SMTNL2: variants seen among roughly 807,000 people sequenced by gnomAD.
SMTNL2 encodes the protein smoothelin like 2.
In SMTNL2, 43 loss-of-function variants were observed where a neutral mutation model predicts 44.1. That is an observed-to-expected ratio of 0.98 (90% confidence interval 0.76 to 1.26). The LOEUF is 1.26. SMTNL2 is among the 50% of genes most tolerant of loss of function. SMTNL2 has a pLI of 0.00. For missense variants in SMTNL2, 646 were observed against 670.2 expected, an observed-to-expected ratio of 0.96 and a Z score of 0.40; for synonymous variants, 317 against 287.6, an observed-to-expected ratio of 1.10 and a Z score of -1.03.
chr17:4,594,215 G>A (rs1909706504), intron 4 of SMTNL2, among the ~76,000 whole-genome samples: 1 of 152,168 alleles, frequency 6.6e-6, no homozygotes, highest in African/African-American at 2.4e-5. Flanking sequence ...TTGGGAGGTT[G>A]AGGTGGGTGG....
chr17:4,590,878 CCAGGGCCAGCAGCTTGGGCGG>C (rs1454829343), intron 1 of SMTNL2, among the ~76,000 whole-genome samples: 4 of 152,190 alleles, frequency 2.6e-5, no homozygotes, highest in African/African-American at 9.7e-5. Flanking sequence ...CGTCAAGTAC[CCAGGGCCAGCAGCTTGGGCGG>C]CAGGGCAGGC....
intron 7 of SMTNL2, among the ~76,000 whole-genome samples, chr17:4,606,928 A>C (rs1019413832): frequency 6.6e-5 from 10 of 151,894 alleles, no homozygotes; most frequent in African/African-American, 2.4e-4. Context: ...AAACAAAAAA[A>C]CAAACAACTA....
rs946991638 is a variant in SMTNL2, at chr17:4,595,597, G to C, written c.989+270G>C. 6.6e-6 allele frequency among the ~76,000 whole-genome samples: 1 copy of C among 152,202 alleles called. No individual in the cohort carries two copies. The highest frequency in any genetic ancestry group is 1.9e-4 in the East Asian group (1 of 5,196). On this transcript the variant is annotated intron_variant, in intron 5 of 7. Transcript: ENST00000389313. This position sits in a 1 kb window ranked among gnomAD's most constrained non-coding sequence, Gnocchi z 5.1. ...AGCCCCTCTCTCCTCCTCCATTCCCGAGGCCCCCTGTCCTGTCTCTGGTGC... is the reference window on the plus strand; with the variant it reads ...AGCCCCTCTCTCCTCCTCCATTCCCCAGGCCCCCTGTCCTGTCTCTGGTGC...
At chr17:4,590,390 G>A (rs1909523751) in intron 1 of SMTNL2, among the ~76,000 whole-genome samples, 1 of 152,132 alleles carries the variant, frequency 6.6e-6, no homozygotes. Context: ...TTCCTGAAAT[G>A]TGGGGGCCTC....
At chr17:4,604,330 C>T (rs1450362265) in intron 7 of SMTNL2, among the ~76,000 whole-genome samples, 1 of 152,200 alleles carries the variant, frequency 6.6e-6, no homozygotes, top group Non-Finnish European at 1.5e-5. Flanking sequence ...ACAGGCCACC[C>T]GCTACAACTC....
At chr17:4,584,512 G>A, upstream of SMTNL2, 2 of 1,198,740 alleles carry the variant, frequency 1.7e-6, no homozygotes, top group Non-Finnish European at 2.1e-6. Context: ...CTCGAGCGAA[G>A]CCAGCCACGG....
In SMTNL2 at chr17:4,607,591, G is replaced by A. The variant is rs1044359295; in HGVS notation, c.*104G>A. Reference sequence around the variant, plus strand: ...CCCCAGGAGCCTTGCCGTTTGGTGTGAGCGCGCTGTTTGTTCTGTGGCATG... The same window carrying A: ...CCCCAGGAGCCTTGCCGTTTGGTGTAAGCGCGCTGTTTGTTCTGTGGCATG... On this transcript the variant is annotated 3_prime_UTR_variant, in exon 8 of 8. Coordinates refer to ENST00000389313, the MANE Select transcript of SMTNL2 (RefSeq NM_001114974.2). This position sits in a 1 kb window ranked among gnomAD's most constrained non-coding sequence, Gnocchi z 4.7. 2.0e-6 allele frequency: 3 copies of A among 1,525,704 alleles called. No homozygotes were observed. The highest frequency in any genetic ancestry group is 2.6e-6 in the Non-Finnish European group (3 of 1,132,790). 94.5% of individuals were successfully genotyped at this position (1,525,704 alleles called of 1,614,324 possible).
Position 4,596,072 on chromosome 17 carries a change from C to G in SMTNL2, c.989+745C>G, listed in dbSNP as rs1175332553. On this transcript the variant is annotated intron_variant, in intron 5 of 7. Transcript: ENST00000389313. ...TGCTGTGTGCAGGGTGTGGCCCACG[C>G]GTGGTATTGATGCCTGCTGTGTGCA... 8.5e-4 allele frequency among the ~76,000 whole-genome samples: 94 copies of G among 110,142 alleles called. 2 individuals are homozygous for G. The highest frequency in any genetic ancestry group is 1.5e-3 in the Non-Finnish European group (71 of 47,102). 72.3% of individuals were successfully genotyped at this position (110,142 alleles called of 152,430 possible).
intron 1 of SMTNL2, among the ~76,000 whole-genome samples, chr17:4,586,384 G>A (rs982331618): frequency 6.6e-6 from 1 of 152,144 alleles, no homozygotes; most frequent in Non-Finnish European, 1.5e-5. Flanking sequence ...CATCAACTGT[G>A]TCATCGGTTG....
intron 7 of SMTNL2, among the ~76,000 whole-genome samples, chr17:4,599,008 G>A (rs1909925893): frequency 6.6e-6 from 1 of 152,126 alleles, no homozygotes; most frequent in Non-Finnish European, 1.5e-5. Flanking sequence ...AGAGCCAGAG[G>A]GTCTTGTAAC....
rs543159952 is a variant in SMTNL2 at position 4,592,629 on chromosome 17, G to A, written c.487+181G>A. Among the ~76,000 whole-genome samples the A allele has an allele frequency of 1.3e-5, 2 of 152,284 alleles. No individual in the cohort carries two copies. The highest frequency in any genetic ancestry group is 3.9e-4 in the East Asian group (2 of 5,178). The stretch of plus-strand genomic sequence containing the variant: ...TTCAGTAGAACTTGTGAAACACAGA[G>A]GGAAGTTGGGAGATCTCAGGAGGTA... On this transcript the variant is annotated intron_variant, in intron 2 of 7. Coordinates refer to ENST00000389313, the MANE Select transcript of SMTNL2 (RefSeq NM_001114974.2). This position sits in a 1 kb window ranked among gnomAD's most constrained non-coding sequence, Gnocchi z 4.5.
In SMTNL2 at chr17:4,596,891, C is replaced by T. The variant is rs1296997959; in HGVS notation, c.1021C>T (p.Arg341Trp). 6.6e-6 allele frequency: 10 copies of T among 1,512,600 alleles called. No homozygotes were observed. Among genetic ancestry groups the T allele is most frequent in the South Asian group, 4.9e-5 (4 of 82,046 alleles). 93.7% of individuals were successfully genotyped at this position (1,512,600 alleles called of 1,614,324 possible). ...AGGCGAGGCCCGGGCCAGGCTGAAG[C>T]GGTCGCAGAGCTTCGGCGTGGCCAG... ...GKGEARARLK[R>W]SQSFGVASAS... The change falls in exon 6 of 8, where the codon CGG becomes TGG. Residue 341 changes from arginine to tryptophan, a missense_variant. Physicochemically the swap from Arg to Trp is moderately radical, Grantham distance 101 (BLOSUM62 -3). Transcript: ENST00000389313.
chr17:4,584,757 G>T lies in SMTNL2; in HGVS notation c.152G>T (p.Arg51Leu), dbSNP rs2150516785. 1.5e-6 allele frequency: 2 copies of T among 1,307,530 alleles called. No homozygotes were observed. The highest frequency in any genetic ancestry group is 1.9e-6 in the Non-Finnish European group (2 of 1,031,658). The allele number at this position is 1,307,530 out of a possible 1,614,324, so 81.0% of individuals were successfully genotyped here. A position where few individuals can be genotyped will look rare whatever the true frequency, so the allele number is the denominator to read the frequency against. ...GAGCGGCGAGTGGCAGAGGCGATGC[G>T]CCTGGCCGGCCCCCTGGCGCGCACG... The part of the protein sequence containing the change: ...GVERRVAEAM[R>L]LAGPLARTVA... Residue 51 changes from arginine (R) to leucine (L), a missense_variant, in exon 1 of 8, where the codon CGC becomes CTC. Physicochemically the swap from Arg to Leu is moderately radical, Grantham distance 102. Transcript: ENST00000389313.
Position 4,597,255 on chromosome 17 carries a change from C to A in SMTNL2, c.1191C>A (p.Ala397=). The change falls in exon 7 of 8, where the codon GCC becomes GCA. Residue 397 remains alanine (A), a synonymous_variant. Coordinates refer to ENST00000389313, the MANE Select transcript of SMTNL2 (RefSeq NM_001114974.2). ...CALVHSFFPD[A]FDYNSLSPTQ... ...TGGTACACTCCTTCTTCCCCGATGC[C>A]TTTGACTACAACTCCCTGAGCCCCA... is the stretch of plus-strand genomic sequence containing the variant. 1 of 1,614,206 alleles carries A rather than the reference C, an allele frequency of 6.2e-7. No individual in the cohort carries two copies. The highest frequency in any genetic ancestry group is 8.5e-7 in the Non-Finnish European group (1 of 1,180,016).
Position 4,592,243 on chromosome 17 carries a change from T to C in SMTNL2, c.400-118T>C. On this transcript the variant is annotated intron_variant, in intron 1 of 7. Transcript: ENST00000389313. The surrounding 1 kb of genome is among the most constrained non-coding windows in gnomAD (Gnocchi z 4.5). ...CGTCACTTTCTTCCTGGGGGCTGTT[T>C]TCTCTCAACATGATTGGTGTTTTGC... 1 of 972,466 alleles carries C rather than the reference T, an allele frequency of 1.0e-6. No individual in the cohort carries two copies. The highest frequency in any genetic ancestry group is 2.5e-5 in the East Asian group (1 of 39,448). 60.2% of individuals were successfully genotyped at this position (972,466 alleles called of 1,614,324 possible).
intron 5 of SMTNL2, among the ~76,000 whole-genome samples, chr17:4,596,150 A>C (rs11651432): frequency 0.023 from 1,948 of 85,628 alleles, 35 homozygotes; most frequent in East Asian, 0.16. Context: ...GTGTGGCCCA[A>C]GCGTGGTATT....
intron 4 of SMTNL2, among the ~76,000 whole-genome samples, chr17:4,594,166 T>C (rs1050864159): frequency 6.6e-6 from 1 of 151,596 alleles, no homozygotes; most frequent in Non-Finnish European, 1.5e-5. Context: ...ATTGGAGGAG[T>C]GGCCGGGCGC....
intron 1 of SMTNL2, among the ~76,000 whole-genome samples, chr17:4,586,102 C>G (rs2150517588): frequency 6.6e-6 from 1 of 152,194 alleles, no homozygotes; most frequent in East Asian, 1.9e-4. Context: ...CAGGAAGCCT[C>G]AGAAAGGCTG....
Position 4,598,937 on chromosome 17 carries a change from C to T in SMTNL2, c.1259+1614C>T, listed in dbSNP as rs546778709. On this transcript the variant is annotated intron_variant, in intron 7 of 7. Coordinates refer to ENST00000389313, the MANE Select transcript of SMTNL2 (RefSeq NM_001114974.2). The surrounding 1 kb of genome is among the most constrained non-coding windows in gnomAD (Gnocchi z 4.8). ...AGCCCAACCACCAACCACCTGGCCCCGGCCCCAGCCCCGGCCCTGGCCCAC... is the reference window on the plus strand; with the variant it reads ...AGCCCAACCACCAACCACCTGGCCCTGGCCCCAGCCCCGGCCCTGGCCCAC... 5.3e-5 allele frequency among the ~76,000 whole-genome samples: 8 copies of T among 152,306 alleles called. No individual in the cohort carries two copies. Among genetic ancestry groups the T allele is most frequent in the Non-Finnish European group, 7.4e-5 (5 of 68,022 alleles).
Sources: gnomAD v4.1 joint callset for allele counts (sites outside exome capture counted in the v4.1 genomes callset) on GRCh38, gnomAD v4.1.1 for gene constraint, Gnocchi (gnomAD v3.1) non-coding constraint, MANE v1.5 for transcripts, NCBI Gene and HGNC (gene_info 2026-07-23, HGNC 2026-07-21) for gene names.